Variants in SNRPN observed in about 807,000 individuals in gnomAD.
SNRPN encodes small nuclear ribonucleoprotein polypeptide N, also known as small nuclear ribonucleoprotein-associated protein N.
In SNRPN, 7 loss-of-function variants were observed where a neutral mutation model predicts 25.2. That is an observed-to-expected ratio of 0.28 (90% confidence interval 0.16 to 0.52). The LOEUF is 0.52. Among genes scored for constraint, SNRPN ranks in the 20% least tolerant of loss-of-function variants. The pLI, the probability that SNRPN is intolerant of heterozygous loss-of-function variation, is 0.96. For missense variants in SNRPN, 196 were observed against 322.5 expected (o/e 0.61, Z 3.00); for synonymous variants, 124 against 110.6 (o/e 1.12, Z -0.76).
intron 2 of SNRPN, chr15:24,909,283 G>A: frequency 1.2e-6 from 2 of 1,601,444 alleles, no homozygotes; most frequent in Non-Finnish European, 1.7e-6. Context: ...CATAACCAGG[G>A]AATTGTTTGG....
chr15:24,946,509 A>T (rs2061898203), intron 3 of SNRPN, among the ~76,000 whole-genome samples: 1 of 152,296 alleles, frequency 6.6e-6, no homozygotes, highest in African/African-American at 2.4e-5. Context: ...TCACTCTATC[A>T]CCCAGACTAG....
chr15:24,959,439 A>C (rs2153442445), intron 1 of SNRPN, among the ~76,000 whole-genome samples: 1 of 152,264 alleles, frequency 6.6e-6, no homozygotes, highest in Middle Eastern at 3.4e-3. Context: ...TTGGGTATTG[A>C]GACCCCGTCT....
chr15:24,845,623 C>T (rs541431464), intron 2 of SNRPN, among the ~76,000 whole-genome samples: 93 of 151,904 alleles, frequency 6.1e-4, no homozygotes, highest in Non-Finnish European at 1.2e-3. Flanking sequence ...GAAAAGAAAA[C>T]GTGAAATAAG....
At chr15:24,847,087 A>G (rs1185367230) in intron 2 of SNRPN, among the ~76,000 whole-genome samples, 1 of 152,178 alleles carries the variant, frequency 6.6e-6, no homozygotes, top group Non-Finnish European at 1.5e-5. Context: ...ACAAAGTCAG[A>G]AAAGAAATCC....
intron 3 of SNRPN, among the ~76,000 whole-genome samples, chr15:24,936,377 C>A (rs1374436233): frequency 6.6e-6 from 1 of 152,202 alleles, no homozygotes; most frequent in East Asian, 1.9e-4. Flanking sequence ...CGGTGCTGAA[C>A]TGTGAAGGTG....
intron 3 of SNRPN, among the ~76,000 whole-genome samples, chr15:24,922,250 A>G (rs1159421793): frequency 1.3e-5 from 2 of 152,172 alleles, no homozygotes; most frequent in East Asian, 3.9e-4. Flanking sequence ...AAAAAGGCTA[A>G]GAGCCTTGTT....
intron 3 of SNRPN, among the ~76,000 whole-genome samples, chr15:24,925,570 A>G (rs143490280): frequency 6.6e-6 from 1 of 152,228 alleles, no homozygotes; most frequent in Non-Finnish European, 1.5e-5. Context: ...AACTGCTTTT[A>G]TAGAGTCCTC....
intron 2 of SNRPN, among the ~76,000 whole-genome samples, chr15:24,900,812 G>GTGC (rs2058395699): frequency 6.6e-6 from 1 of 152,152 alleles, no homozygotes; most frequent in South Asian, 2.1e-4. Flanking sequence ...AAGATTTATT[G>GTGC]TGCTGCAGGC....
intron 3 of SNRPN, among the ~76,000 whole-genome samples, chr15:24,944,816 A>G (rs1336379255): frequency 6.6e-6 from 1 of 152,142 alleles, no homozygotes; most frequent in African/African-American, 2.4e-5. Flanking sequence ...GGCTAGTCCA[A>G]AATCTTCAGA....
At chr15:24,952,993 TAGA>T (rs67842219), upstream of SNRPN, among the ~76,000 whole-genome samples, 3,535 of 152,290 alleles carry the variant, frequency 0.023, 51 homozygotes, top group Middle Eastern at 0.054. Context: ...TTCCTGCTCC[TAGA>T]AGAAGTAGTA....
At chr15:24,954,966 C>G (rs917378636), upstream of SNRPN, 5 of 1,592,114 alleles carry the variant, frequency 3.1e-6, no homozygotes, top group Admixed American at 1.7e-5. Context: ...CGAAGCCTGC[C>G]GCTGCTGCAG....
At chr15:24,832,808 C>T (rs2050660704) in intron 2 of SNRPN, among the ~76,000 whole-genome samples, 1 of 151,848 alleles carries the variant, frequency 6.6e-6, no homozygotes, top group South Asian at 2.1e-4. Flanking sequence ...GAACGTAGAA[C>T]TCAAAAGATG....
chr15:24,865,133 G>A (rs2054449639), intron 1 of SNRPN, among the ~76,000 whole-genome samples: 1 of 148,160 alleles, frequency 6.7e-6, no homozygotes, highest in South Asian at 2.1e-4. Context: ...TGCAACCTCT[G>A]CCTCCCAGGT....
intron 2 of SNRPN, among the ~76,000 whole-genome samples, chr15:24,902,725 T>C (rs1315456919): frequency 6.6e-6 from 1 of 152,202 alleles, no homozygotes; most frequent in Non-Finnish European, 1.5e-5. Flanking sequence ...GAGTTGTTCC[T>C]TCCTCCAGGT....
intron 3 of SNRPN, among the ~76,000 whole-genome samples, chr15:24,945,184 A>G (rs900470750): frequency 6.6e-6 from 1 of 152,102 alleles, no homozygotes; most frequent in Non-Finnish European, 1.5e-5. Context: ...GGTTGTAGTC[A>G]TAGACAATAC....
At chr15:24,916,613 C>T (rs1282354506) in intron 2 of SNRPN, among the ~76,000 whole-genome samples, 1 of 152,168 alleles carries the variant, frequency 6.6e-6, no homozygotes, top group Non-Finnish European at 1.5e-5. Context: ...TTTGTTTCTA[C>T]ATATGCTTCA....
At chr15:24,912,956 T>C (rs1193931031) in intron 2 of SNRPN, among the ~76,000 whole-genome samples, 1 of 152,330 alleles carries the variant, frequency 6.6e-6, no homozygotes, top group African/African-American at 2.4e-5. Flanking sequence ...ATTTATTTTT[T>C]TGAGACAGAG....
chr15:24,921,918 A>G, intron 3 of SNRPN, among the ~76,000 whole-genome samples: 1 of 151,768 alleles, frequency 6.6e-6, no homozygotes, highest in East Asian at 1.9e-4. Context: ...TGCCATACAG[A>G]CCGGGCACGG....
chr15:24,846,913 A>G (rs866834538), intron 2 of SNRPN, among the ~76,000 whole-genome samples: 2 of 152,276 alleles, frequency 1.3e-5, no homozygotes, highest in Non-Finnish European at 2.9e-5. Context: ...GAAAGAAAAA[A>G]CAAATGTGCG....
Sources: allele counts gnomAD v4.1 joint callset (sites outside exome capture counted in the v4.1 genomes callset), GRCh38; gene constraint gnomAD v4.1.1; transcripts MANE v1.5; gene names NCBI Gene and HGNC (gene_info 2026-07-23, HGNC 2026-07-21).